The following ZCCHC8 variants were observed in gnomAD, a reference collection of about 807,000 sequenced individuals.
ZCCHC8 encodes zinc finger CCHC domain-containing protein 8.
A neutral mutation model predicts 70.6 loss-of-function variants in ZCCHC8; 27 were observed. That is an observed-to-expected ratio of 0.38 (90% CI 0.28 to 0.53). The LOEUF is 0.53. ZCCHC8 is among the 20% of genes least tolerant of loss of function. ZCCHC8 has a pLI of 0.81. For missense variants in ZCCHC8, 737 were observed against 876.9 expected (o/e 0.84, Z 2.01); for synonymous variants, 293 against 317.4 (o/e 0.92, Z 0.82).
At chr12:122,474,301 T>C in intron 13 of ZCCHC8, 26 bp from the exon 14 acceptor site, 1 of 1,361,626 alleles carries the variant, frequency 7.3e-7, no homozygotes, top group Non-Finnish European at 9.5e-7. Context: ...TAAGAGATAC[T>C]TTAGAACTTA....
rs752095414 is a variant in ZCCHC8, at chr12:122,472,205, CTTTTTTTTTT to C, written c.*1282_*1291del. 2 of 129,594 alleles carry C rather than the reference CTTTTTTTTTT, an allele frequency of 1.5e-5. No homozygotes were observed. The highest frequency in any genetic ancestry group is 1.5e-4 in the Admixed American group (2 of 13,150). The allele number at this position is 129,594 out of a possible 1,614,324, so 8.0% of individuals were successfully genotyped here. A position where few individuals can be genotyped will look rare whatever the true frequency, so the allele number is the denominator to read the frequency against. On this transcript the variant is annotated 3_prime_UTR_variant, in exon 14 of 14. Coordinates refer to ENST00000633063, the MANE Select transcript of ZCCHC8 (RefSeq NM_017612.5). ...GCTACCACTGATTTTTACAATTTACCTTTTTTTTTTTTTTTTTTTGAGATGGAGTTTTGCT... is the reference window on the plus strand; with the variant it reads ...GCTACCACTGATTTTTACAATTTACCTTTTTTTTTGAGATGGAGTTTTGCT...
rs555695795 is a variant in ZCCHC8 at position 122,477,976 on chromosome 12, C to T, written c.1228-18G>A. 10 of 1,576,238 alleles carry T rather than the reference C, an allele frequency of 6.3e-6. No homozygotes were observed. Among genetic ancestry groups the T allele is most frequent in the Non-Finnish European group, 8.7e-6 (10 of 1,145,710 alleles). The stretch of plus-strand genomic sequence containing the variant: ...ACACCTGGCTAAAAGAGCAACCAGA[C>T]CAAACACAAGTTAAGCGGGGTAGAT... On this transcript the variant is annotated intron_variant, in intron 12 of 13. Transcript: ENST00000633063.
intron 3 of ZCCHC8, 53 bp downstream of exon 3, chr12:122,492,662 A>G: frequency 1.7e-6 from 2 of 1,165,906 alleles, no homozygotes; most frequent in Non-Finnish European, 2.5e-6. Flanking sequence ...TTTATAGAGA[A>G]AATTGTTCCA....
chr12:122,490,633 T>C (rs888251423), intron 3 of ZCCHC8, 66 bp from the exon 4 acceptor site: 5 of 908,068 alleles, frequency 5.5e-6, no homozygotes, highest in African/African-American at 5.0e-5. Flanking sequence ...TGAAGTCTTA[T>C]GCATTACTGT....
chr12:122,499,790 C>G (rs1394885326), intron 1 of ZCCHC8: 1 of 152,048 alleles, frequency 6.6e-6, no homozygotes, highest in African/African-American at 2.4e-5. Context: ...TGCAGTGAGC[C>G]GAGATCGCGC....
chr12:122,475,083 T>C (rs922461561), intron 13 of ZCCHC8, among the ~76,000 whole-genome samples: 6 of 152,074 alleles, frequency 3.9e-5, no homozygotes, highest in Non-Finnish European at 8.8e-5. Context: ...AGTCTTGCTC[T>C]GTTGCCCAGG....
chr12:122,492,785 T>G lies in ZCCHC8; in HGVS notation c.247A>C (p.Ile83Leu). The change falls in exon 3 of 14, where the codon ATA (isoleucine) becomes CTA (leucine). Residue 83 changes from isoleucine (I) to leucine (L), a missense_variant. Ile to Leu is a conservative substitution (Grantham distance 5). Transcript: ENST00000633063. Reference protein sequence around the residue: ...KLNILTRPSGILVNDTKLDGP... With the variant: ...KLNILTRPSGLLVNDTKLDGP... ...TCTAACTTAGTATCGTTCACCAATA[T>G]TCCACTAAAACAGAAGTTAGAACAT... 1 of 1,535,228 alleles carries G rather than the reference T, an allele frequency of 6.5e-7. No homozygotes were observed. Among genetic ancestry groups the G allele is most frequent in the South Asian group, 1.2e-5 (1 of 83,454 alleles).
intron 11 of ZCCHC8, among the ~76,000 whole-genome samples, chr12:122,479,848 A>G (rs957309715): frequency 6.6e-6 from 1 of 152,244 alleles, no homozygotes; most frequent in Non-Finnish European, 1.5e-5. Flanking sequence ...TTGTAGGTGT[A>G]TATGAATTAA....
rs920168154 is a variant in ZCCHC8 at position 122,500,546 on chromosome 12, G to GCGCCCT, written c.199+90_199+95dup. On this transcript the variant is annotated intron_variant, in intron 1 of 13. Transcript: ENST00000633063. The surrounding 1 kb of genome is among the most constrained non-coding windows in gnomAD (Gnocchi z 4.8). ...TCTGGCCCTCCTGGAACTTCCGCCC[G>GCGCCCT]CGCCCTCGCCCTCGCCCGGCGCTGC... The GCGCCCT allele has an allele frequency of 1.7e-5, 23 of 1,380,218 alleles. No homozygotes were observed. Among genetic ancestry groups the GCGCCCT allele is most frequent in the Admixed American group, 5.5e-5 (2 of 36,132 alleles). 85.5% of individuals were successfully genotyped at this position (1,380,218 alleles called of 1,614,324 possible).
At chr12:122,497,520 A>T (rs1957844763) in intron 2 of ZCCHC8, among the ~76,000 whole-genome samples, 1 of 152,100 alleles carries the variant, frequency 6.6e-6, no homozygotes, top group Non-Finnish European at 1.5e-5. Flanking sequence ...CTAGCCTGGG[A>T]AACAGAGTAA....
chr12:122,483,474 T>G lies in ZCCHC8; in HGVS notation c.591A>C (p.Gly197=). Residue 197 remains glycine (G), a synonymous_variant, in exon 6 of 14, where the codon GGA becomes GGC. Coordinates refer to ENST00000633063, the MANE Select transcript of ZCCHC8 (RefSeq NM_017612.5). The surrounding 1 kb of genome is among the most constrained non-coding windows in gnomAD (Gnocchi z 4.4). ...LLNENPQLSE[G]WEIPKYHQVF... ...ATGTAGGATACTTGGGTATTTCCCATCCTTCGGAAAGCTGAGGGTTTTCAT... is the reference window on the plus strand; with the variant it reads ...ATGTAGGATACTTGGGTATTTCCCAGCCTTCGGAAAGCTGAGGGTTTTCAT... 6.3e-7 allele frequency: 1 copy of G among 1,593,032 alleles called. No individual in the cohort carries two copies. The highest frequency in any genetic ancestry group is 1.3e-5 in the African/African-American group (1 of 74,790).
At chr12:122,475,097 G>A (rs1049838903) in intron 13 of ZCCHC8, among the ~76,000 whole-genome samples, 1 of 152,060 alleles carries the variant, frequency 6.6e-6, no homozygotes, top group Non-Finnish European at 1.5e-5. Flanking sequence ...GCCCAGGCTG[G>A]AGTGCAGTGG....
At chr12:122,499,059 C>G (rs1415416592) in intron 1 of ZCCHC8, 190 bp from the exon 2 acceptor site, 2 of 607,166 alleles carry the variant, frequency 3.3e-6, no homozygotes, top group Non-Finnish European at 5.8e-6. Context: ...AATTAAAGTA[C>G]GGTTTTTATC....
rs1256636582 is a variant in ZCCHC8 at position 122,478,310 on chromosome 12, AGG to A, written c.1141-20_1141-19del. 2 of 1,537,122 alleles carry A rather than the reference AGG, an allele frequency of 1.3e-6. No individual in the cohort carries two copies. Among genetic ancestry groups the A allele is most frequent in the Non-Finnish European group, 1.8e-6 (2 of 1,134,414 alleles). On this transcript the variant is annotated intron_variant, in intron 11 of 13. Transcript: ENST00000633063. ...CTCCATTCCTAATGATGAAAAGAGA[AGG>A]AAAAAAAAAACACATGTATTTGGAA...
In ZCCHC8 at chr12:122,474,203, G is replaced by A; in HGVS notation, c.1418C>T (p.Pro473Leu). 3 of 1,508,474 alleles carry A rather than the reference G, an allele frequency of 2.0e-6. No homozygotes were observed. Among genetic ancestry groups the A allele is most frequent in the Non-Finnish European group, 8.8e-7 (1 of 1,137,158 alleles). The allele number at this position is 1,508,474 out of a possible 1,614,324, so 93.4% of individuals were successfully genotyped here. Residue 473 changes from proline (P) to leucine (L), a missense_variant, in exon 14 of 14, where the codon CCT (proline) becomes CTT (leucine). Coordinates refer to ENST00000633063, the MANE Select transcript of ZCCHC8 (RefSeq NM_017612.5). Reference sequence around the variant, plus strand: ...TGGAGGAGTTCCCCGGGGGAGTGGAGGAGTGTCAGGAGGTAATGGTGGTTG... The same window carrying A: ...TGGAGGAGTTCCCCGGGGGAGTGGAAGAGTGTCAGGAGGTAATGGTGGTTG... ...QFQPPLPPDT[P>L]PLPRGTPPPV...
At position 122,500,650 on chromosome 12, in the gene ZCCHC8, C is replaced by T. The variant is rs866586054; in HGVS notation, c.191G>A (p.Arg64His). The change falls in exon 1 of 14, where the codon CGC (arginine) becomes CAC (histidine). Residue 64 changes from arginine (R) to histidine (H), a missense_variant. Transcript: ENST00000633063. The surrounding 1 kb of genome is among the most constrained non-coding windows in gnomAD (Gnocchi z 4.8). ...RQCEETIEQL[R>H]AENQELKRKL... Reference sequence around the variant, plus strand: ...GCGAGAGGAAAGGATATTCTCGGCGCGGAGCTGCTCGATGGTCTCCTCGCA... The same window carrying T: ...GCGAGAGGAAAGGATATTCTCGGCGTGGAGCTGCTCGATGGTCTCCTCGCA... 6.4e-7 allele frequency: 1 copy of T among 1,572,248 alleles called. No homozygotes were observed. The highest frequency in any genetic ancestry group is 8.6e-7 in the Non-Finnish European group (1 of 1,160,502).
At chr12:122,487,016 A>G (rs1957654853) in intron 5 of ZCCHC8, among the ~76,000 whole-genome samples, 1 of 152,220 alleles carries the variant, frequency 6.6e-6, no homozygotes, top group African/African-American at 2.4e-5. Flanking sequence ...TAGAACTTAC[A>G]TGCCAGGTAG....
chr12:122,486,822 G>A (rs1398360203), intron 5 of ZCCHC8, among the ~76,000 whole-genome samples: 1 of 152,132 alleles, frequency 6.6e-6, no homozygotes, highest in Non-Finnish European at 1.5e-5. Context: ...CACCTGCCTT[G>A]GCCTCCCAAA....
intron 1 of ZCCHC8, chr12:122,499,110 C>A (rs1957875111): frequency 1.9e-6 from 1 of 527,920 alleles, no homozygotes; most frequent in Non-Finnish European, 3.4e-6. Flanking sequence ...TGAAGTTCAA[C>A]AGACTAACAA....
Sources: gnomAD v4.1 joint callset for allele counts (sites outside exome capture counted in the v4.1 genomes callset) on GRCh38, gnomAD v4.1.1 for gene constraint, Gnocchi (gnomAD v3.1) non-coding constraint, MANE v1.5 for transcripts, NCBI Gene and HGNC (gene_info 2026-07-23, HGNC 2026-07-21) for gene names.